The following ARHGEF3 variants were observed in gnomAD, a reference collection of about 807,000 sequenced individuals.
The protein encoded by ARHGEF3 is Rho guanine nucleotide exchange factor 3, also known as 59.8 kDA protein.
ARHGEF3 carries 28 observed loss-of-function variants against 63.2 expected under a neutral mutation model. That is an observed-to-expected ratio of 0.44 (90% CI 0.33 to 0.61). ARHGEF3 has a LOEUF of 0.61. Among genes scored for constraint, ARHGEF3 ranks in the 20% least tolerant of loss-of-function variants. The probability of loss-of-function intolerance (pLI) is 0.03; values close to 1 mark genes in which losing one functional copy is unlikely to be tolerated. For synonymous variants in ARHGEF3, 266 were observed against 254.2 expected (o/e 1.05, Z -0.44); for missense variants, 533 against 659.3 (o/e 0.81, Z 2.10).
intron 4 of ARHGEF3, among the ~76,000 whole-genome samples, chr3:56,870,048 T>C (rs2040386274): frequency 6.6e-6 from 1 of 152,178 alleles, no homozygotes. Context: ...CAAACACTGT[T>C]ATTTAAATGA....
chr3:56,737,041 G>T, intron 8 of ARHGEF3, 144 bp downstream of exon 8: 1 of 953,266 alleles, frequency 1.0e-6, no homozygotes, highest in Non-Finnish European at 1.5e-6. Flanking sequence ...GTTGCAGTGA[G>T]CCAGCCTGGG....
At chr3:56,987,498 G>T (rs1701589393) in intron 2 of ARHGEF3, among the ~76,000 whole-genome samples, 1 of 152,168 alleles carries the variant, frequency 6.6e-6, no homozygotes, top group Admixed American at 6.5e-5. Flanking sequence ...AGGCAGGAGG[G>T]AAGGAGCTGC....
intron 4 of ARHGEF3, among the ~76,000 whole-genome samples, chr3:56,834,387 C>T (rs2039035751): frequency 6.6e-6 from 1 of 152,082 alleles, no homozygotes; most frequent in South Asian, 2.1e-4. Context: ...AAACTAGAAG[C>T]ATACTATATA....
intron 2 of ARHGEF3, among the ~76,000 whole-genome samples, chr3:56,968,293 T>TA (rs1195012104): frequency 6.4e-3 from 391 of 61,312 alleles, no homozygotes; most frequent in Non-Finnish European, 7.4e-3. Context: ...ATATAATATA[T>TA]ATAATATATA....
chr3:56,920,255 C>T (rs2042091036), intron 3 of ARHGEF3, among the ~76,000 whole-genome samples: 1 of 152,146 alleles, frequency 6.6e-6, no homozygotes, highest in African/African-American at 2.4e-5. Context: ...CAAAGATGAA[C>T]CCTGTTTTCC....
rs1039377975 is a variant in ARHGEF3, at chr3:56,801,916, C to G, written c.-118G>C. ...CGGGCGGCGGCGGCGACACGGAGAC[C>G]GACAGCCGGCTTCTAGCCGGGCAGG... On this transcript the variant is annotated 5_prime_UTR_variant, in exon 1 of 10. Coordinates refer to ENST00000296315, the MANE Select transcript of ARHGEF3 (RefSeq NM_019555.3). 2.4e-5 allele frequency: 37 copies of G among 1,541,422 alleles called. No individual in the cohort carries two copies. In the East Asian group the frequency reaches 8.1e-4, roughly 34 times the overall value.
intron 8 of ARHGEF3, among the ~76,000 whole-genome samples, chr3:56,735,176 C>A (rs936528731): frequency 6.6e-6 from 1 of 152,212 alleles, no homozygotes; most frequent in South Asian, 2.1e-4. Flanking sequence ...CCCAGCTACT[C>A]GGGAAGCTGA....
At chr3:57,035,018 C>T in intron 2 of ARHGEF3, 1 of 1,284,810 alleles carries the variant, frequency 7.8e-7, no homozygotes, top group Non-Finnish European at 1.1e-6. Flanking sequence ...GGAAGCCCTC[C>T]ATTTCATTTA....
intron 7 of ARHGEF3, 33 bp downstream of exon 7, chr3:56,745,169 TAAC>T: frequency 1.9e-6 from 3 of 1,593,460 alleles, no homozygotes; most frequent in Non-Finnish European, 2.6e-6. Flanking sequence ...ATGGTGGAAA[TAAC>T]AAGAAGAGAG....
At chr3:57,003,401 CAAAAAAAAAAA>C (rs60214570) in intron 2 of ARHGEF3, among the ~76,000 whole-genome samples, 15 of 43,732 alleles carry the variant, frequency 3.4e-4, no homozygotes, top group African/African-American at 1.4e-3. Context: ...GACGCCGTCT[CAAAAAAAAAAA>C]AAAAAAAAAA....
intron 1 of ARHGEF3, chr3:56,775,814 A>ACC: frequency 3.1e-6 from 1 of 321,770 alleles, no homozygotes; most frequent in Non-Finnish European, 4.5e-6. Context: ...ACACACACAC[A>ACC]CACACACTGC....
At chr3:57,063,989 A>G (rs1326787461) in intron 1 of ARHGEF3, among the ~76,000 whole-genome samples, 1 of 152,274 alleles carries the variant, frequency 6.6e-6, no homozygotes, top group Non-Finnish European at 1.5e-5. Flanking sequence ...ATTCCATGCC[A>G]GCTGTGCTGG....
Position 57,040,552 on chromosome 3 carries a change from G to T in ARHGEF3, c.-27-5376C>A, listed in dbSNP as rs142274778. On this transcript the variant is annotated intron_variant, in intron 1 of 12. Transcript: ENST00000338458. Reference sequence around the variant, plus strand: ...CAGGCTATTAGGAGTTAGGATAGCGGTTCTAGTGGGGGAGTGGTGGCTGGA... The same window carrying T: ...CAGGCTATTAGGAGTTAGGATAGCGTTTCTAGTGGGGGAGTGGTGGCTGGA... Among the ~76,000 whole-genome samples, 53 of 150,164 alleles carry T rather than the reference G, an allele frequency of 3.5e-4. No homozygotes were observed. In the East Asian group the frequency reaches 8.5e-3, roughly 24 times the overall value.
At chr3:56,968,401 G>A (rs748540900) in intron 2 of ARHGEF3, among the ~76,000 whole-genome samples, 104 of 128,596 alleles carry the variant, frequency 8.1e-4, no homozygotes, top group African/African-American at 2.6e-3. Flanking sequence ...ATGTAGTGGC[G>A]TGATGATGGC....
intron 3 of ARHGEF3, among the ~76,000 whole-genome samples, chr3:56,946,498 G>A (rs559045226): frequency 4.6e-5 from 7 of 152,292 alleles, no homozygotes; most frequent in East Asian, 1.9e-4. Flanking sequence ...CTCAGCAGCC[G>A]ATTCGATCAA....
At chr3:56,871,538 A>G (rs2040431099) in intron 4 of ARHGEF3, among the ~76,000 whole-genome samples, 1 of 152,156 alleles carries the variant, frequency 6.6e-6, no homozygotes, top group Non-Finnish European at 1.5e-5. Context: ...TCTAAACACC[A>G]AGTGCTGAGA....
chr3:56,927,079 A>T (rs1311500937), intron 3 of ARHGEF3, among the ~76,000 whole-genome samples: 1 of 152,258 alleles, frequency 6.6e-6, no homozygotes, highest in African/African-American at 2.4e-5. Flanking sequence ...GTTCTAAGCC[A>T]GATAACCTGG....
intron 3 of ARHGEF3, among the ~76,000 whole-genome samples, chr3:56,884,451 T>C (rs1377410613): frequency 5.9e-5 from 9 of 152,380 alleles, no homozygotes; most frequent in African/African-American, 1.9e-4. Flanking sequence ...AATATGGTCC[T>C]ATACAGAGCA....
chr3:56,844,077 C>G (rs529908643), intron 4 of ARHGEF3, among the ~76,000 whole-genome samples: 2 of 152,304 alleles, frequency 1.3e-5, no homozygotes, highest in African/African-American at 4.8e-5. Context: ...AAATTAAGAA[C>G]AAGCAGAGTA....
Sources: allele counts gnomAD v4.1 joint callset (sites outside exome capture counted in the v4.1 genomes callset), GRCh38; gene constraint gnomAD v4.1.1; transcripts MANE v1.5; gene names NCBI Gene and HGNC (gene_info 2026-07-23, HGNC 2026-07-21).